The following RFTN1 variants were observed in gnomAD, a reference collection of about 807,000 sequenced individuals.
The protein encoded by RFTN1 is raftlin, lipid raft linker 1.
In RFTN1, 26 loss-of-function variants were observed where a neutral mutation model predicts 46.5. The ratio of observed to expected loss-of-function variants is 0.56; its 90% CI spans 0.41 to 0.78. The LOEUF is 0.78. Among genes scored for constraint, RFTN1 ranks in the 30% least tolerant of loss-of-function variants. The pLI is 0.00. For missense variants in RFTN1, 693 were observed against 718.7 expected (o/e 0.96, Z 0.41); for synonymous variants, 261 against 284.2 (o/e 0.92, Z 0.82).
intron 6 of RFTN1, among the ~76,000 whole-genome samples, chr3:16,366,896 G>T (rs1340955307): frequency 1.3e-5 from 2 of 152,302 alleles, no homozygotes; most frequent in Middle Eastern, 6.8e-3. Context: ...AAGACACCGG[G>T]TCATTCTAAG....
intron 1 of RFTN1, among the ~76,000 whole-genome samples, chr3:16,508,714 A>AC (rs1323393833): frequency 6.6e-6 from 1 of 152,028 alleles, no homozygotes; most frequent in East Asian, 1.9e-4. Flanking sequence ...ACACACACAC[A>AC]CACACACACC....
At chr3:16,368,171 T>C (rs1330176885) in intron 6 of RFTN1, among the ~76,000 whole-genome samples, 1 of 152,032 alleles carries the variant, frequency 6.6e-6, no homozygotes. Flanking sequence ...TCTCTGACAC[T>C]GATATGTCAG....
At chr3:16,482,884 G>T in intron 2 of RFTN1, 1 of 1,509,342 alleles carries the variant, frequency 6.6e-7, no homozygotes. Flanking sequence ...TCCCACCGGG[G>T]TGAGCTTAAA....
chr3:16,363,984 C>T (rs2072994750), intron 6 of RFTN1, among the ~76,000 whole-genome samples: 1 of 152,250 alleles, frequency 6.6e-6, no homozygotes, highest in African/African-American at 2.4e-5. Context: ...TGCCATGTTG[C>T]TTCCCAATCA....
At chr3:16,394,572 G>A (rs1485541873) in intron 4 of RFTN1, among the ~76,000 whole-genome samples, 1 of 152,148 alleles carries the variant, frequency 6.6e-6, no homozygotes, top group East Asian at 1.9e-4. Context: ...GGAATTGTGG[G>A]CGTGGCTACA....
chr3:16,318,216 C>G (rs1033147111), intron 9 of RFTN1, among the ~76,000 whole-genome samples: 3 of 152,140 alleles, frequency 2.0e-5, no homozygotes, highest in Non-Finnish European at 4.4e-5. Flanking sequence ...ATCTGAATTT[C>G]TCATCTCGGT....
At chr3:16,363,716 C>T (rs891786565) in intron 6 of RFTN1, among the ~76,000 whole-genome samples, 14 of 152,238 alleles carry the variant, frequency 9.2e-5, no homozygotes, top group African/African-American at 3.1e-4. Context: ...CAAAGTGTTA[C>T]TGTTCTCCTT....
chr3:16,347,007 G>A (rs2071766219), intron 7 of RFTN1, among the ~76,000 whole-genome samples: 1 of 152,188 alleles, frequency 6.6e-6, no homozygotes, highest in African/African-American at 2.4e-5. Flanking sequence ...TGGATTTCCT[G>A]CTATGAACGG....
At chr3:16,488,384 C>A (rs540604560) in intron 2 of RFTN1, among the ~76,000 whole-genome samples, 2 of 152,300 alleles carry the variant, frequency 1.3e-5, no homozygotes, top group Admixed American at 1.3e-4. Flanking sequence ...CAGGCGTGAG[C>A]CACTGCACCC....
chr3:16,503,085 AC>A (rs2076739771), intron 1 of RFTN1, among the ~76,000 whole-genome samples: 1 of 151,996 alleles, frequency 6.6e-6, no homozygotes, highest in African/African-American at 2.4e-5. Flanking sequence ...ACACTTGCTT[AC>A]CCCCACTCCT....
intron 1 of RFTN1, among the ~76,000 whole-genome samples, chr3:16,496,336 G>A (rs1308951457): frequency 6.6e-6 from 1 of 152,208 alleles, no homozygotes; most frequent in Non-Finnish European, 1.5e-5. Flanking sequence ...ATGCATTCAT[G>A]CAACAAAGGA....
chr3:16,463,625 A>T (rs1187105120), intron 2 of RFTN1, among the ~76,000 whole-genome samples: 1 of 152,010 alleles, frequency 6.6e-6, no homozygotes, highest in Non-Finnish European at 1.5e-5. Flanking sequence ...GTTATTTTTA[A>T]ATTCCTTTTT....
rs2071053461 is a variant in RFTN1 at position 16,338,304 on chromosome 3, G to A, written c.1147-11428C>T. On this transcript the variant is annotated intron_variant, in intron 7 of 9. Transcript: ENST00000334133. The surrounding 1 kb of genome is among the most constrained non-coding windows in gnomAD (Gnocchi z 5.3). ...AGGCATGCAACCACGCAAGGCTCCT[G>A]ATCACAGGGAAGGTAATGAGGCCGG... 6.6e-6 allele frequency among the ~76,000 whole-genome samples: 1 copy of A among 152,248 alleles called. No homozygotes were observed. Among genetic ancestry groups the A allele is most frequent in the Non-Finnish European group, 1.5e-5 (1 of 68,050 alleles).
Position 16,484,046 on chromosome 3 carries a change from G to C in RFTN1, c.145+9679C>G, listed in dbSNP as rs1467397209. ...TGACATTATTTTAGATGAGGCCATG[G>C]AACTGGCCTATCATCTCCCTTCACG... On this transcript the variant is annotated intron_variant, in intron 2 of 9. Transcript: ENST00000334133. The surrounding 1 kb of genome is among the most constrained non-coding windows in gnomAD (Gnocchi z 4.6). Among the ~76,000 whole-genome samples the C allele has an allele frequency of 6.6e-6, 1 of 152,188 alleles. No individual in the cohort carries two copies. The highest frequency in any genetic ancestry group is 2.1e-4 in the South Asian group (1 of 4,832).
chr3:16,399,468 G>C (rs2074551731), intron 4 of RFTN1, among the ~76,000 whole-genome samples: 1 of 152,162 alleles, frequency 6.6e-6, no homozygotes, highest in Non-Finnish European at 1.5e-5. Context: ...ATTAGTCTTA[G>C]GGGTTAGTGG....
rs1178158113 is a variant in RFTN1, at chr3:16,374,019, G to C, written c.826+3699C>G. On this transcript the variant is annotated intron_variant, in intron 5 of 9. Transcript: ENST00000334133. The surrounding 1 kb of genome is among the most constrained non-coding windows in gnomAD (Gnocchi z 5.4). ...TTGCCAGGGCAGCAGGAAAGGCAAA[G>C]TGCAGGGACCGCTGCTGCGTGCACA... 2.6e-5 allele frequency among the ~76,000 whole-genome samples: 4 copies of C among 152,202 alleles called. No individual in the cohort carries two copies. The highest frequency in any genetic ancestry group is 9.7e-5 in the African/African-American group (4 of 41,442).
chr3:16,393,661 TTAA>T (rs1449249222), intron 4 of RFTN1, among the ~76,000 whole-genome samples: 6 of 136,892 alleles, frequency 4.4e-5, no homozygotes, highest in Non-Finnish European at 1.5e-5. Context: ...CTTTTTTTTT[TTAA>T]TTTTTTTTTT....
rs1312512952 is a variant in RFTN1 at position 16,466,552 on chromosome 3, C to T, written c.145+27173G>A. Among the ~76,000 whole-genome samples, 1 of 152,120 alleles carries T rather than the reference C, an allele frequency of 6.6e-6. No homozygotes were observed. Among genetic ancestry groups the T allele is most frequent in the African/African-American group, 2.4e-5 (1 of 41,400 alleles). ...CGTTTCAGAGAAGCAGCCATTACAC[C>T]CCTTTCCTTCTGGGCCTGAACTCAG... On this transcript the variant is annotated intron_variant, in intron 2 of 9. Transcript: ENST00000334133. The surrounding 1 kb of genome is among the most constrained non-coding windows in gnomAD (Gnocchi z 5.6).
intron 4 of RFTN1, among the ~76,000 whole-genome samples, chr3:16,391,077 A>G (rs1371412989): frequency 6.6e-6 from 1 of 151,968 alleles, no homozygotes; most frequent in Non-Finnish European, 1.5e-5. Flanking sequence ...TACCACCACT[A>G]TCACCTTTAC....
Sources: gnomAD v4.1 joint callset for allele counts (sites outside exome capture counted in the v4.1 genomes callset) on GRCh38, gnomAD v4.1.1 for gene constraint, Gnocchi (gnomAD v3.1) non-coding constraint, MANE v1.5 for transcripts, NCBI Gene and HGNC (gene_info 2026-07-23, HGNC 2026-07-21) for gene names.